TSKU: variants seen among roughly 807,000 people sequenced by gnomAD.
TSKU encodes the protein tsukushi, small leucine rich proteoglycan, also known as tsukushi.
Under a neutral mutation model 11.2 loss-of-function variants are expected in TSKU, and 4 were observed. That is an observed-to-expected ratio of 0.36 (90% CI 0.18 to 0.82). TSKU has a LOEUF of 0.82. Ranked by LOEUF, TSKU falls within the 40% of genes least tolerant of loss-of-function variation. The pLI is 0.50. For missense variants in TSKU, 407 were observed against 482.5 expected (o/e 0.84, Z 1.47); for synonymous variants, 220 against 232.2 (o/e 0.95, Z 0.48).
In TSKU at chr11:76,796,244, C is replaced by T; in HGVS notation, c.628C>T (p.Leu210=). ...CCTCCGAGACTTGCCCCTGCGCTACCTGAGCCTGGATGGGAACCCTCTAGC... is the reference window on the plus strand; with the variant it reads ...CCTCCGAGACTTGCCCCTGCGCTACTTGAGCCTGGATGGGAACCCTCTAGC... ...PNLRDLPLRY[L]SLDGNPLAVI... The change falls in exon 2 of 2, where the codon CTG becomes TTG. Residue 210 remains leucine, a synonymous_variant. Transcript: ENST00000333090. This position sits in a 1 kb window ranked among gnomAD's most constrained non-coding sequence, Gnocchi z 4.1. 6.2e-7 allele frequency: 1 copy of T among 1,613,596 alleles called. No homozygotes were observed. Among genetic ancestry groups the T allele is most frequent in the Non-Finnish European group, 8.5e-7 (1 of 1,179,994 alleles).
In TSKU at chr11:76,795,883, G is replaced by A. The variant is rs1288086213; in HGVS notation, c.267G>A (p.Leu89=). The A allele has an allele frequency of 6.8e-6, 11 of 1,613,720 alleles. No individual in the cohort carries two copies. Among genetic ancestry groups the A allele is most frequent in the Non-Finnish European group, 9.3e-6 (11 of 1,180,034 alleles). Reference sequence around the variant, plus strand: ...CGGGCTACACGACGTTGGCTGGCCTGGATCTCAGCCACAACCTGCTCACCA... The same window carrying A: ...CGGGCTACACGACGTTGGCTGGCCTAGATCTCAGCCACAACCTGCTCACCA... ...AGPGYTTLAG[L]DLSHNLLTSI... Residue 89 remains leucine (L), a synonymous_variant, in exon 2 of 2, where the codon CTG becomes CTA. Coordinates refer to ENST00000333090, the MANE Select transcript of TSKU (RefSeq NM_015516.4).
At chr11:76,790,131 C>A (rs1219526282) in intron 1 of TSKU, among the ~76,000 whole-genome samples, 1 of 150,682 alleles carries the variant, frequency 6.6e-6, no homozygotes, top group African/African-American at 2.4e-5. Flanking sequence ...TCCTGAAACT[C>A]TGGAGTTGGA....
chr11:76,785,122 C>G (rs1326122157), intron 1 of TSKU, among the ~76,000 whole-genome samples: 2 of 152,210 alleles, frequency 1.3e-5, no homozygotes, highest in African/African-American at 4.8e-5. Context: ...CAACCGCCAC[C>G]GGGCTTCCAC....
chr11:76,784,758 G>C (rs1565125848), intron 1 of TSKU, among the ~76,000 whole-genome samples: 3 of 131,258 alleles, frequency 2.3e-5, no homozygotes, highest in South Asian at 2.3e-4. Flanking sequence ...GGGGGGGGGG[G>C]GTGCTCAGAG....
intron 1 of TSKU, among the ~76,000 whole-genome samples, chr11:76,786,216 A>G (rs1944310631): frequency 6.6e-6 from 1 of 152,206 alleles, no homozygotes. Flanking sequence ...TCATGTGGCC[A>G]GGCTCGTGCA....
At chr11:76,791,731 C>T (rs897726078) in intron 1 of TSKU, 1 of 152,216 alleles carries the variant, frequency 6.6e-6, no homozygotes, top group African/African-American at 2.4e-5. Flanking sequence ...TGGCAGCTTC[C>T]ATGTGGTGTT....
At position 76,796,164 on chromosome 11, in the gene TSKU, C is replaced by T. The variant is rs778328730; in HGVS notation, c.548C>T (p.Ala183Val). The change falls in exon 2 of 2, where the codon GCG becomes GTG. Residue 183 changes from alanine to valine, a missense_variant. Physicochemically the swap from Ala to Val is moderately conservative, Grantham distance 64. Coordinates refer to ENST00000333090, the MANE Select transcript of TSKU (RefSeq NM_015516.4). The surrounding 1 kb of genome is among the most constrained non-coding windows in gnomAD (Gnocchi z 4.1). ...CACCCCACGAGGGCCGGCCTGCCTG[C>T]GCCCACCATTCAGAGCCTGAACCTG... ...VPHPTRAGLP[A>V]PTIQSLNLAW... 1.8e-5 allele frequency: 29 copies of T among 1,613,440 alleles called. No homozygotes were observed. The highest frequency in any genetic ancestry group is 1.3e-4 in the African/African-American group (10 of 74,902).
At chr11:76,793,749 C>T (rs1410391467) in intron 1 of TSKU, among the ~76,000 whole-genome samples, 1 of 151,958 alleles carries the variant, frequency 6.6e-6, no homozygotes, top group African/African-American at 2.4e-5. Context: ...GGACCATGCC[C>T]AGGATGCACC....
intron 1 of TSKU, among the ~76,000 whole-genome samples, chr11:76,789,514 C>G (rs1259727032): frequency 1.3e-5 from 2 of 152,206 alleles, no homozygotes; most frequent in Non-Finnish European, 2.9e-5. Context: ...AGGCCATCAG[C>G]AAACTTAGAG....
At chr11:76,786,772 T>C (rs1162771041) in intron 1 of TSKU, among the ~76,000 whole-genome samples, 1 of 152,192 alleles carries the variant, frequency 6.6e-6, no homozygotes, top group Non-Finnish European at 1.5e-5. Flanking sequence ...ACAGCAGCTT[T>C]TGCCTGCTTT....
intron 1 of TSKU, chr11:76,784,025 TC>T: frequency 6.6e-6 from 1 of 151,466 alleles, no homozygotes; most frequent in Non-Finnish European, 1.5e-5. Flanking sequence ...CAGACAGCCC[TC>T]CCCCTCCCCC....
rs61560547 is a variant in TSKU, at chr11:76,790,305, G to A, written c.-8-5304G>A. On this transcript the variant is annotated intron_variant, in intron 1 of 1. Transcript: ENST00000333090. ...ACTTCTCTTGTCACCAGGCACAGTT[G>A]CCCTGTCACCTCCCTGTCAGTGCCC... 6.7e-3 allele frequency among the ~76,000 whole-genome samples: 1,019 copies of A among 152,200 alleles called. 15 individuals are homozygous for A. The highest frequency in any genetic ancestry group is 0.023 in the African/African-American group (945 of 41,514).
chr11:76,785,329 T>G (rs1169768742), intron 1 of TSKU, among the ~76,000 whole-genome samples: 1 of 152,156 alleles, frequency 6.6e-6, no homozygotes, highest in East Asian at 1.9e-4. Flanking sequence ...ATGCTTCAGT[T>G]TTCAGAGCAA....
intron 1 of TSKU, among the ~76,000 whole-genome samples, chr11:76,794,455 A>G (rs1944415486): frequency 6.6e-6 from 1 of 152,204 alleles, no homozygotes; most frequent in Non-Finnish European, 1.5e-5. Context: ...CCTCTCCACC[A>G]GCTACTCTGC....
intron 1 of TSKU, among the ~76,000 whole-genome samples, chr11:76,785,494 G>A (rs989031823): frequency 1.3e-5 from 2 of 152,146 alleles, no homozygotes; most frequent in Non-Finnish European, 2.9e-5. Flanking sequence ...GAAGTCAGTG[G>A]GTACACAGGG....
chr11:76,783,770 G>A (rs1286386984), intron 1 of TSKU, among the ~76,000 whole-genome samples: 1 of 152,200 alleles, frequency 6.6e-6, no homozygotes, highest in Admixed American at 6.5e-5. Flanking sequence ...CCGTGTCCAC[G>A]TTTGCGGGCC....
rs1944452010 is a variant in TSKU at position 76,796,510 on chromosome 11, G to T, written c.894G>T (p.Leu298=). The T allele has an allele frequency of 6.2e-7, 1 of 1,612,058 alleles. No individual in the cohort carries two copies. The highest frequency in any genetic ancestry group is 8.5e-7 in the Non-Finnish European group (1 of 1,179,098). ...GTNLVPLPEA[L]LLHLPALQSV... is the part of the protein sequence containing the mutation. The stretch of plus-strand genomic sequence containing the variant: ...ACCTGGTGCCCCTGCCTGAGGCGCT[G>T]CTCCTCCACCTCCCGGCACTGCAGA... The change falls in exon 2 of 2, where the codon CTG becomes CTT. Residue 298 remains leucine, a synonymous_variant. Coordinates refer to ENST00000333090, the MANE Select transcript of TSKU (RefSeq NM_015516.4). The surrounding 1 kb of genome is among the most constrained non-coding windows in gnomAD (Gnocchi z 4.1).
chr11:76,794,767 G>C (rs1944419511), intron 1 of TSKU, among the ~76,000 whole-genome samples: 1 of 152,222 alleles, frequency 6.6e-6, no homozygotes, highest in Admixed American at 6.5e-5. Context: ...ACACCAGGAT[G>C]CCCAATGAGA....
Position 76,796,465 on chromosome 11 carries a change from G to A in TSKU, c.849G>A (p.Glu283=). The stretch of plus-strand genomic sequence containing the variant: ...TTTCAGGCCTGAGCTCCCTGCAGGA[G>A]CTGGACCTTTCGGGCACCAACCTGG... The part of the protein sequence containing the change: ...EVFSGLSSLQ[E]LDLSGTNLVP... The change falls in exon 2 of 2, where the codon GAG becomes GAA. Residue 283 remains glutamate (E), a synonymous_variant. Coordinates refer to ENST00000333090, the MANE Select transcript of TSKU (RefSeq NM_015516.4). The surrounding 1 kb of genome is among the most constrained non-coding windows in gnomAD (Gnocchi z 4.1). The A allele has an allele frequency of 6.2e-7, 1 of 1,613,358 alleles. No homozygotes were observed. Among genetic ancestry groups the A allele is most frequent in the South Asian group, 1.1e-5 (1 of 91,080 alleles).
Sources: gnomAD v4.1 joint callset for allele counts (sites outside exome capture counted in the v4.1 genomes callset) on GRCh38, gnomAD v4.1.1 for gene constraint, Gnocchi (gnomAD v3.1) non-coding constraint, MANE v1.5 for transcripts, NCBI Gene and HGNC (gene_info 2026-07-23, HGNC 2026-07-21) for gene names.